KLF12: variants seen among roughly 807,000 people sequenced by gnomAD.
KLF12 encodes Krueppel-like factor 12.
KLF12 carries 9 observed loss-of-function variants against 37.8 expected under a neutral mutation model. The observed-to-expected ratio is 0.24, with a 90% confidence interval of 0.14 to 0.42. KLF12 has a LOEUF of 0.42. Ranked by LOEUF, KLF12 falls within the 10% of genes least tolerant of loss-of-function variation. The probability of loss-of-function intolerance (pLI) is 1.00; values close to 1 mark genes in which losing one functional copy is unlikely to be tolerated. For missense variants in KLF12, 411 were observed against 516.0 expected, an observed-to-expected ratio of 0.80 and a Z score of 1.97; for synonymous variants, 208 against 202.1, an observed-to-expected ratio of 1.03 and a Z score of -0.25.
chr13:74,060,870 T>C (rs1873554751), intron 1 of KLF12, among the ~76,000 whole-genome samples: 1 of 152,218 alleles, frequency 6.6e-6, no homozygotes, highest in Non-Finnish European at 1.5e-5. Context: ...GGTTTTAACT[T>C]CTTGAACTTT....
the KLF12 span, among the ~76,000 whole-genome samples, chr13:74,260,628 T>TAAAATAAAATAAAATG: frequency 7.7e-3 from 1,075 of 140,060 alleles, 48 homozygotes; most frequent in South Asian, 0.012. Flanking sequence ...TAAAATAAAA[T>TAAAATAAAATAAAATG]AGTGAATTAA....
intron 2 of KLF12, among the ~76,000 whole-genome samples, chr13:73,963,990 A>C (rs1371820598): frequency 6.6e-6 from 1 of 152,208 alleles, no homozygotes; most frequent in African/African-American, 2.4e-5. Flanking sequence ...CTTAAGCAAG[A>C]ACAGTCTCTG....
Position 73,940,280 on chromosome 13 carries a change from C to G in KLF12, c.123+3701G>C, listed in dbSNP as rs543012567. Among the ~76,000 whole-genome samples, 256 of 152,290 alleles carry G rather than the reference C, an allele frequency of 1.7e-3. 1 individual carries two copies. The highest frequency in any genetic ancestry group is 3.0e-3 in the Non-Finnish European group (205 of 68,014). On this transcript the variant is annotated intron_variant, in intron 3 of 7. Coordinates refer to ENST00000377669, the MANE Select transcript of KLF12 (RefSeq NM_007249.5). ...AGCACTCCTTGCTGTGCCCCTGAAG[C>G]GTATCACAAGAGCACATGCCCTTCC...
chr13:74,175,936 C>G, the KLF12 span, among the ~76,000 whole-genome samples: 2 of 152,082 alleles, frequency 1.3e-5, no homozygotes, highest in Non-Finnish European at 2.9e-5. Context: ...ATTTTTATGC[C>G]AAGGATTTTC....
chr13:73,970,234 T>A (rs184461435), intron 2 of KLF12, among the ~76,000 whole-genome samples: 7 of 152,286 alleles, frequency 4.6e-5, no homozygotes, highest in Admixed American at 3.9e-4. Flanking sequence ...GTGACCAATT[T>A]CTTATCTCTA....
the KLF12 span, among the ~76,000 whole-genome samples, chr13:74,183,878 C>T: frequency 2.0e-5 from 3 of 152,130 alleles, no homozygotes; most frequent in Admixed American, 6.5e-5. Flanking sequence ...CGGAGGTTAC[C>T]AGTCAGCCAA....
the KLF12 span, among the ~76,000 whole-genome samples, chr13:74,290,303 T>C: frequency 6.6e-6 from 1 of 152,194 alleles, no homozygotes; most frequent in Non-Finnish European, 1.5e-5. Flanking sequence ...CAGCCACAGA[T>C]TCTTTTTCAT....
At chr13:74,295,954 T>C in the KLF12 span, among the ~76,000 whole-genome samples, 1 of 151,892 alleles carries the variant, frequency 6.6e-6, no homozygotes, top group African/African-American at 2.4e-5. Flanking sequence ...GCAGGGATGA[T>C]AGACATGCGC....
At chr13:73,902,084 T>C (rs934425936) in intron 3 of KLF12, among the ~76,000 whole-genome samples, 14 of 152,194 alleles carry the variant, frequency 9.2e-5, no homozygotes, top group Non-Finnish European at 1.5e-5. Context: ...TTAAAGGCCA[T>C]TTAAACAGAA....
chr13:73,959,745 T>C lies in KLF12; in HGVS notation c.34-15675A>G, dbSNP rs182703368. Among the ~76,000 whole-genome samples, 9 of 152,222 alleles carry C rather than the reference T, an allele frequency of 5.9e-5. No homozygotes were observed. In the East Asian group the frequency reaches 1.7e-3, roughly 29 times the overall value. On this transcript the variant is annotated intron_variant, in intron 2 of 7. Transcript: ENST00000377669. ...ATATAAAGAGACATTTTAGGAACCTTATTTCTCAACACATTATCAGGTAAA... is the reference window on the plus strand; with the variant it reads ...ATATAAAGAGACATTTTAGGAACCTCATTTCTCAACACATTATCAGGTAAA...
At chr13:74,049,004 A>G (rs1463012075) in intron 1 of KLF12, among the ~76,000 whole-genome samples, 1 of 152,212 alleles carries the variant, frequency 6.6e-6, no homozygotes, top group Non-Finnish European at 1.5e-5. Context: ...TCAGCTCCCT[A>G]CGACCAGAAA....
At chr13:73,764,518 G>GA (rs80129032) in intron 6 of KLF12, among the ~76,000 whole-genome samples, 6,594 of 148,274 alleles carry the variant, frequency 0.044, 170 homozygotes, top group South Asian at 0.11. Context: ...CTATGGCAAG[G>GA]AAAAAAAAAA....
rs1254686603 is a variant in KLF12, at chr13:74,015,890, C to A, written c.-31-20837G>T. On this transcript the variant is annotated intron_variant, in intron 1 of 7. Transcript: ENST00000377669. ...TAATATCATTGTATTTGCCTTAATA[C>A]ACCACCAGACTGCAAAATTCCTTAG... Among the ~76,000 whole-genome samples, 3 of 152,120 alleles carry A rather than the reference C, an allele frequency of 2.0e-5. No individual in the cohort carries two copies. In the East Asian group the frequency reaches 5.8e-4, roughly 29 times the overall value.
chr13:73,743,477 G>A (rs544852760), intron 6 of KLF12, among the ~76,000 whole-genome samples: 46 of 152,236 alleles, frequency 3.0e-4, no homozygotes, highest in African/African-American at 1.1e-3. Context: ...TGAAAGCACC[G>A]TAGAATATGG....
chr13:74,219,386 A>G, the KLF12 span, among the ~76,000 whole-genome samples: 1,782 of 152,350 alleles, frequency 0.012, 43 homozygotes, highest in African/African-American at 0.041. Context: ...AAAGACCTGT[A>G]TAATCCTCTT....
chr13:73,812,940 A>C, intron 5 of KLF12: 1 of 532,470 alleles, frequency 1.9e-6, no homozygotes, highest in East Asian at 2.9e-5. Context: ...CATAGGTCTT[A>C]TATCTCATCA....
chr13:74,134,086 C>T (rs1018541015), upstream of KLF12, among the ~76,000 whole-genome samples: 81 of 151,428 alleles, frequency 5.3e-4, no homozygotes, highest in Non-Finnish European at 9.7e-4. Flanking sequence ...TACCCCGGGG[C>T]CCAGCCGAGG....
chr13:73,867,511 T>C (rs1004450414), intron 3 of KLF12, among the ~76,000 whole-genome samples: 7 of 151,304 alleles, frequency 4.6e-5, no homozygotes, highest in African/African-American at 1.5e-4. Context: ...AAATGAGTAA[T>C]AGACAAGCCT....
At chr13:73,826,130 G>A (rs1034494301) in intron 4 of KLF12, among the ~76,000 whole-genome samples, 34 of 151,950 alleles carry the variant, frequency 2.2e-4, no homozygotes, top group Admixed American at 7.2e-4. Flanking sequence ...CCGCCACCAC[G>A]CCTGGCTAAT....
Sources: gnomAD v4.1 joint callset for allele counts (sites outside exome capture counted in the v4.1 genomes callset) on GRCh38, gnomAD v4.1.1 for gene constraint, MANE v1.5 for transcripts, NCBI Gene and HGNC (gene_info 2026-07-23, HGNC 2026-07-21) for gene names.